The following MPHOSPH6 variants were observed in gnomAD, a reference collection of about 807,000 sequenced individuals.
The protein encoded by MPHOSPH6 is M-phase phosphoprotein 6.
MPHOSPH6 carries 25 observed loss-of-function variants against 21.8 expected under a neutral mutation model. The ratio of observed to expected loss-of-function variants is 1.15; its 90% confidence interval spans 0.83 to 1.60. The LOEUF is 1.60. Among genes scored for constraint, MPHOSPH6 ranks in the 40% most tolerant of loss-of-function variants. The probability of loss-of-function intolerance (pLI) is 0.00; values close to 1 mark genes in which losing one functional copy is unlikely to be tolerated. For synonymous variants in MPHOSPH6, 84 were observed against 56.5 expected, an observed-to-expected ratio of 1.49 and a Z score of -2.18; for missense variants, 269 against 181.8, an observed-to-expected ratio of 1.48 and a Z score of -2.76.
At chr16:82,160,890 T>C (rs1906586206) in intron 2 of MPHOSPH6, among the ~76,000 whole-genome samples, 1 of 152,192 alleles carries the variant, frequency 6.6e-6, no homozygotes, top group African/African-American at 2.4e-5. Context: ...ATTTTCTGAC[T>C]GTCCCCTGAA....
chr16:82,162,412 T>A (rs1906635597), intron 2 of MPHOSPH6: 1 of 152,332 alleles, frequency 6.6e-6, no homozygotes, highest in African/African-American at 2.4e-5. Flanking sequence ...TTCACCTGTT[T>A]CTCTGGCCTG....
intron 2 of MPHOSPH6, among the ~76,000 whole-genome samples, chr16:82,158,135 A>G (rs1041854775): frequency 2.6e-5 from 4 of 152,138 alleles, no homozygotes; most frequent in Admixed American, 1.3e-4. Context: ...TATTTCTGTT[A>G]ATCTTAGCCC....
At chr16:82,157,600 A>C (rs1377269534) in intron 2 of MPHOSPH6, among the ~76,000 whole-genome samples, 2 of 152,228 alleles carry the variant, frequency 1.3e-5, no homozygotes, top group Admixed American at 6.5e-5. Context: ...CTGTAGACTT[A>C]AGTACATTCC....
At chr16:82,166,689 T>C (rs1446145751) in intron 1 of MPHOSPH6, among the ~76,000 whole-genome samples, 1 of 152,186 alleles carries the variant, frequency 6.6e-6, no homozygotes, top group Non-Finnish European at 1.5e-5. Flanking sequence ...CCTAGACCTA[T>C]CTTATTTTTC....
intron 2 of MPHOSPH6, among the ~76,000 whole-genome samples, chr16:82,151,851 A>AT (rs1906274959): frequency 6.6e-6 from 1 of 152,226 alleles, no homozygotes. Context: ...TCCCCTCACC[A>AT]TATTTTTTTC....
intron 2 of MPHOSPH6, chr16:82,162,181 C>T (rs1377061738): frequency 2.6e-5 from 4 of 152,328 alleles, no homozygotes; most frequent in South Asian, 2.1e-4. Context: ...ACCCAATACA[C>T]AAATGACACA....
At chr16:82,152,227 A>C (rs1906288001) in intron 2 of MPHOSPH6, among the ~76,000 whole-genome samples, 1 of 152,112 alleles carries the variant, frequency 6.6e-6, no homozygotes, top group African/African-American at 2.4e-5. Context: ...AAATTTCAAT[A>C]GTTTTTGGGG....
chr16:82,149,193 G>T, intron 4 of MPHOSPH6, 116 bp downstream of exon 4: 1 of 1,091,932 alleles, frequency 9.2e-7, no homozygotes, highest in Non-Finnish European at 1.4e-6. Context: ...CACAGTCATC[G>T]TCCTACTGGG....
intron 1 of MPHOSPH6, among the ~76,000 whole-genome samples, chr16:82,166,143 C>G (rs953813070): frequency 6.6e-6 from 1 of 152,162 alleles, no homozygotes. Context: ...AAAATGTTGC[C>G]GCTAGGGGAG....
chr16:82,163,193 A>T (rs1597164307), intron 2 of MPHOSPH6, among the ~76,000 whole-genome samples: 1 of 152,224 alleles, frequency 6.6e-6, no homozygotes, highest in Non-Finnish European at 1.5e-5. Context: ...AAGCCCAAAC[A>T]TCAGGTACAG....
In MPHOSPH6 at chr16:82,149,368, T is replaced by C. The variant is rs16956538; in HGVS notation, c.291A>G (p.Ala97=). 5.3e-3 allele frequency: 8,499 copies of C among 1,612,908 alleles called. 388 individuals are homozygous for C. The African/African-American group carries it at 0.098, about 19-fold the overall frequency. Residue 97 remains alanine, a synonymous_variant, in exon 4 of 5, where the codon GCA becomes GCG. Transcript: ENST00000258169. Reference sequence around the variant, plus strand: ...CTACTGTTTCATCTTCAACTTCTTCTGCTTTGTGCTTAGCATTCATCTGAA... The same window carrying C: ...CTACTGTTTCATCTTCAACTTCTTCCGCTTTGTGCTTAGCATTCATCTGAA... ...LMLQMNAKHK[A]EEVEDETVEL...
At chr16:82,158,492 C>A (rs1906502574) in intron 2 of MPHOSPH6, among the ~76,000 whole-genome samples, 1 of 113,882 alleles carries the variant, frequency 8.8e-6, no homozygotes, top group African/African-American at 3.4e-5. Flanking sequence ...GAGCGAGACT[C>A]CGTCTCAAAA....
At chr16:82,156,809 G>A (rs1481502966) in intron 2 of MPHOSPH6, among the ~76,000 whole-genome samples, 1 of 152,168 alleles carries the variant, frequency 6.6e-6, no homozygotes, top group Non-Finnish European at 1.5e-5. Flanking sequence ...CCTCATACCT[G>A]TAATCCCAGC....
intron 2 of MPHOSPH6, among the ~76,000 whole-genome samples, chr16:82,154,535 G>C (rs78174020): frequency 0.019 from 2,846 of 152,160 alleles, 105 homozygotes; most frequent in African/African-American, 0.065. Flanking sequence ...AATAGTTACT[G>C]TAAATTTATT....
intron 2 of MPHOSPH6, among the ~76,000 whole-genome samples, chr16:82,158,742 AG>A (rs1327226047): frequency 6.6e-6 from 1 of 152,222 alleles, no homozygotes; most frequent in Non-Finnish European, 1.5e-5. Flanking sequence ...TTCAAGCAAA[AG>A]TTAGAATTCC....
chr16:82,148,806 G>A lies in MPHOSPH6; in HGVS notation c.408C>T (p.Ala136=), dbSNP rs1906168097. ...GKKFARKRDH[A]NYEEDENGDI... is the part of the protein sequence containing the mutation. ...CTCCATTTTCATCTTCTTCATAATT[G>A]GCATGGTCTCTCTTTCTGGCAAACT... Residue 136 remains alanine, a synonymous_variant, in exon 5 of 5, where the codon GCC becomes GCT. Coordinates refer to ENST00000258169, the MANE Select transcript of MPHOSPH6 (RefSeq NM_005792.2). The A allele has an allele frequency of 6.2e-7, 1 of 1,613,806 alleles. No individual in the cohort carries two copies. Among genetic ancestry groups the A allele is most frequent in the South Asian group, 1.1e-5 (1 of 91,074 alleles).
intron 2 of MPHOSPH6, among the ~76,000 whole-genome samples, chr16:82,159,473 C>T (rs1260535825): frequency 3.9e-5 from 6 of 152,094 alleles, no homozygotes; most frequent in Non-Finnish European, 8.8e-5. Context: ...AGCGCAATCT[C>T]GGCTCAATGC....
At chr16:82,150,334 T>TTCACCCCACTGCCCAGCCCCTCTCCTTC (rs1182362028) in intron 3 of MPHOSPH6, among the ~76,000 whole-genome samples, 21 of 152,094 alleles carry the variant, frequency 1.4e-4, no homozygotes, top group African/African-American at 4.8e-4. Context: ...TTCTTCCCTC[T>TTCACCCCACTGCCCAGCCCCTCTCCTTC]TCACCCCACT....
Position 82,170,153 on chromosome 16 carries a change from C to T in MPHOSPH6, c.23G>A (p.Arg8Lys), listed in dbSNP as rs2303262. The T allele has an allele frequency of 0.8, 1,240,780 of 1,550,784 alleles. 502,325 individuals are homozygous for T. Among genetic ancestry groups the T allele is most frequent in the African/African-American group, 0.95 (70,131 of 73,702 alleles). ...CATGCGCAGTAGATTCTTGGACAAC[C>T]TTGTCTTTCGCTCGGCCGCCATGGT... MAAERKT[R>K]LSKNLLRMKF... The change falls in exon 1 of 5, where the codon AGG (arginine) becomes AAG (lysine). Residue 8 changes from arginine (R) to lysine (K), a missense_variant. By Grantham distance (26) the Arg-to-Lys change is conservative. Transcript: ENST00000258169.
Sources: allele counts gnomAD v4.1 joint callset (sites outside exome capture counted in the v4.1 genomes callset), GRCh38; gene constraint gnomAD v4.1.1; transcripts MANE v1.5; gene names NCBI Gene and HGNC (gene_info 2026-07-23, HGNC 2026-07-21).